Variants in EPHA6 observed in about 807,000 individuals in gnomAD.
EPHA6 encodes ephrin type-A receptor 6.
In EPHA6, 50 loss-of-function variants were observed where a neutral mutation model predicts 112.0. The ratio of observed to expected loss-of-function variants is 0.45; its 90% CI spans 0.36 to 0.56. EPHA6 has a LOEUF of 0.56. Ranked by LOEUF, EPHA6 falls within the 20% of genes least tolerant of loss-of-function variation. EPHA6 has a pLI of 0.00. For missense variants in EPHA6, 1,280 were observed against 1,417.4 expected, an observed-to-expected ratio of 0.90 and a Z score of 1.56; for synonymous variants, 529 against 490.7, an observed-to-expected ratio of 1.08 and a Z score of -1.03.
intron 3 of EPHA6, among the ~76,000 whole-genome samples, chr3:97,159,546 C>G (rs920574908): frequency 6.6e-6 from 1 of 152,072 alleles, no homozygotes; most frequent in African/African-American, 2.4e-5. Flanking sequence ...GCTGGAGAAG[C>G]CATACCTTAT....
chr3:97,720,726 T>C (rs1054322444), intron 15 of EPHA6, among the ~76,000 whole-genome samples: 1 of 152,192 alleles, frequency 6.6e-6, no homozygotes, highest in African/African-American at 2.4e-5. Context: ...GAAAGAGTAA[T>C]GTTTACTTTT....
chr3:97,072,635 A>T, intron 3 of EPHA6, among the ~76,000 whole-genome samples: 1 of 152,126 alleles, frequency 6.6e-6, no homozygotes, highest in East Asian at 1.9e-4. Flanking sequence ...GAGAATCATG[A>T]GTTAGATAAT....
chr3:97,304,120 T>C (rs1399924386), intron 5 of EPHA6, among the ~76,000 whole-genome samples: 1 of 152,062 alleles, frequency 6.6e-6, no homozygotes, highest in East Asian at 1.9e-4. Flanking sequence ...TGAAGTTTCT[T>C]ATCAGCTTAA....
intron 3 of EPHA6, among the ~76,000 whole-genome samples, chr3:97,077,584 C>T (rs1032031775): frequency 5.9e-5 from 9 of 151,816 alleles, no homozygotes; most frequent in Non-Finnish European, 1.3e-4. Flanking sequence ...TGATGTTCCC[C>T]GCCCTTTGTC....
chr3:97,101,490 C>T (rs72920273), intron 3 of EPHA6, among the ~76,000 whole-genome samples: 7,156 of 151,982 alleles, frequency 0.047, 527 homozygotes, highest in African/African-American at 0.16. Flanking sequence ...TCATGTTGTT[C>T]ATGTGGGAAT....
chr3:96,937,833 C>G (rs1325155153), intron 2 of EPHA6, among the ~76,000 whole-genome samples: 2 of 152,098 alleles, frequency 1.3e-5, no homozygotes, highest in Non-Finnish European at 2.9e-5. Flanking sequence ...TATGGCTAGC[C>G]AGTTTTCCCA....
chr3:96,881,243 TAG>T (rs1289879033), intron 2 of EPHA6, among the ~76,000 whole-genome samples: 1 of 152,164 alleles, frequency 6.6e-6, no homozygotes, highest in Non-Finnish European at 1.5e-5. Context: ...ATCATTGTAT[TAG>T]TCTGCTTTCA....
chr3:97,057,587 C>T (rs577011771), intron 3 of EPHA6, among the ~76,000 whole-genome samples: 8 of 152,102 alleles, frequency 5.3e-5, no homozygotes, highest in African/African-American at 1.4e-4. Flanking sequence ...TTGTGTGAGG[C>T]GAATACACAG....
intron 16 of EPHA6, among the ~76,000 whole-genome samples, chr3:97,741,871 T>C (rs1019185645): frequency 6.6e-6 from 1 of 152,176 alleles, no homozygotes; most frequent in Non-Finnish European, 1.5e-5. Context: ...GAGCAGCCTG[T>C]TATTTTATGT....
intron 16 of EPHA6, among the ~76,000 whole-genome samples, chr3:97,741,208 C>G (rs2035492856): frequency 6.6e-6 from 1 of 151,838 alleles, no homozygotes; most frequent in African/African-American, 2.4e-5. Context: ...CTAAAATTAG[C>G]CAGGCATGGT....
At chr3:96,980,859 A>G (rs2107816359) in intron 2 of EPHA6, among the ~76,000 whole-genome samples, 1 of 152,204 alleles carries the variant, frequency 6.6e-6, no homozygotes, top group Non-Finnish European at 1.5e-5. Context: ...TTTTTCTGTT[A>G]TTGGTGTATA....
chr3:97,619,804 A>G (rs970030401), intron 13 of EPHA6, among the ~76,000 whole-genome samples: 7 of 152,130 alleles, frequency 4.6e-5, no homozygotes, highest in Admixed American at 2.0e-4. Context: ...ATGACTATGG[A>G]TAGGAAGAAT....
At position 97,484,035 on chromosome 3, in the gene EPHA6, C is replaced by T. The variant is rs774266264; in HGVS notation, c.2176C>T (p.Arg726Cys). Residue 726 changes from arginine (R) to cysteine (C), a missense_variant, in exon 10 of 18, where the codon CGT becomes TGT. Arg to Cys is a radical substitution (Grantham distance 180, BLOSUM62 -3). This residue lies in a region of EPHA6 where 878 missense variants were observed against 999.7 expected (regional missense o/e 0.88). Transcript: ENST00000389672. The stretch of plus-strand genomic sequence containing the variant: ...AAAGGAGATTGATCCCTCAAGAATT[C>T]GTATTGAGAGAGTCATTGGGGCAGG... The part of the protein sequence containing the change: ...FAKEIDPSRI[R>C]IERVIGAGEF... 5.6e-6 allele frequency: 9 copies of T among 1,606,788 alleles called. No individual in the cohort carries two copies. The highest frequency in any genetic ancestry group is 1.7e-4 in the Middle Eastern group (1 of 6,050).
At chr3:96,836,392 G>A (rs1385081296) in intron 1 of EPHA6, among the ~76,000 whole-genome samples, 1 of 152,070 alleles carries the variant, frequency 6.6e-6, no homozygotes, top group Non-Finnish European at 1.5e-5. Flanking sequence ...ATCTCTTTCA[G>A]TCACAGTTTC....
intron 11 of EPHA6, among the ~76,000 whole-genome samples, chr3:97,543,651 T>TGGGG (rs1357474584): frequency 6.6e-6 from 1 of 152,128 alleles, no homozygotes; most frequent in Non-Finnish European, 1.5e-5. Flanking sequence ...GGTAGCTTGA[T>TGGGG]GGGGATGGCA....
intron 3 of EPHA6, among the ~76,000 whole-genome samples, chr3:97,017,509 C>T (rs552842104): frequency 1.3e-5 from 2 of 152,198 alleles, no homozygotes; most frequent in South Asian, 4.2e-4. Flanking sequence ...TTGGGGGCCC[C>T]AAATAAACGG....
intron 2 of EPHA6, among the ~76,000 whole-genome samples, chr3:96,955,378 G>C (rs920254464): frequency 6.6e-6 from 1 of 152,092 alleles, no homozygotes; most frequent in Non-Finnish European, 1.5e-5. Flanking sequence ...GCATAGACTT[G>C]ATATTTACTC....
At chr3:97,657,741 T>G (rs73849815) in intron 14 of EPHA6, among the ~76,000 whole-genome samples, 75 of 151,964 alleles carry the variant, frequency 4.9e-4, no homozygotes, top group African/African-American at 1.7e-3. Flanking sequence ...GAGACACTTA[T>G]TGAAAAATGC....
Position 96,855,887 on chromosome 3 carries a change from A to G in EPHA6, c.386-10938A>G, listed in dbSNP as rs181779839. Reference sequence around the variant, plus strand: ...CAACTCTTATTATTCTTCATCAGTAAAAATTAGAACTGCAGTATATTTACC... The same window carrying G: ...CAACTCTTATTATTCTTCATCAGTAGAAATTAGAACTGCAGTATATTTACC... On this transcript the variant is annotated intron_variant, in intron 1 of 17. Coordinates refer to ENST00000389672, the MANE Select transcript of EPHA6 (RefSeq NM_001080448.3). Among the ~76,000 whole-genome samples the G allele has an allele frequency of 5.9e-5, 9 of 152,244 alleles. No individual in the cohort carries two copies. In the East Asian group the frequency reaches 1.7e-3, roughly 29 times the overall value.
Sources: allele counts gnomAD v4.1 joint callset (sites outside exome capture counted in the v4.1 genomes callset), GRCh38; gene constraint gnomAD v4.1.1; regional missense constraint gnomAD v4.1.1; transcripts MANE v1.5; gene names NCBI Gene and HGNC (gene_info 2026-07-23, HGNC 2026-07-21).